The following CUL1 variants were observed in gnomAD, a reference collection of about 807,000 sequenced individuals.
CUL1 encodes the protein cullin 1.
A neutral mutation model predicts 118.0 loss-of-function variants in CUL1; 24 were observed. The observed-to-expected ratio is 0.20, with a 90% CI of 0.15 to 0.29. CUL1 has a LOEUF of 0.29. CUL1 is among the 10% of genes least tolerant of loss of function. The pLI, the probability that CUL1 is intolerant of heterozygous loss-of-function variation, is 1.00. For missense variants in CUL1, 361 were observed against 933.8 expected, an observed-to-expected ratio of 0.39 and a Z score of 7.99; for synonymous variants, 332 against 340.4, an observed-to-expected ratio of 0.98 and a Z score of 0.27.
chr7:148,721,974 C>T (rs10488072), intron 1 of CUL1, among the ~76,000 whole-genome samples: 13,898 of 152,108 alleles, frequency 0.091, 698 homozygotes, highest in South Asian at 0.18. Flanking sequence ...GTTTTACTGT[C>T]GGTTTCATAT....
At chr7:148,788,459 TTAAG>T (rs1194687410) in intron 13 of CUL1, 94 bp from the exon 14 acceptor site, 13 of 735,712 alleles carry the variant, frequency 1.8e-5, no homozygotes, top group Non-Finnish European at 3.0e-5. Context: ...TTCCATATAA[TTAAG>T]TATATATTGT....
chr7:148,759,719 A>T, intron 6 of CUL1, 81 bp downstream of exon 6: 2 of 635,680 alleles, frequency 3.1e-6, no homozygotes, highest in Middle Eastern at 3.2e-4. Flanking sequence ...TGTCATTTTT[A>T]AAATATTTTA....
At position 148,784,337 on chromosome 7, in the gene CUL1, C is replaced by T. The variant is rs201858406; in HGVS notation, c.1298+260C>T. 3.0e-4 allele frequency among the ~76,000 whole-genome samples: 45 copies of T among 152,272 alleles called. No homozygotes were observed. The East Asian group carries it at 4.8e-3, about 16-fold the overall frequency. ...AGCACTAACCAGGCCCCACCCTGTT[C>T]GCTTCTGAGATCAGACAAGATCGGG... On this transcript the variant is annotated intron_variant, in intron 11 of 21. Coordinates refer to ENST00000325222, the MANE Select transcript of CUL1 (RefSeq NM_003592.3).
At chr7:148,737,234 A>C (rs1798976057) in intron 2 of CUL1, among the ~76,000 whole-genome samples, 2 of 151,422 alleles carry the variant, frequency 1.3e-5, no homozygotes, top group African/African-American at 4.9e-5. Flanking sequence ...TAAATATGGC[A>C]TGTTCTTCAG....
At chr7:148,798,735 A>G (rs1801290784) in intron 20 of CUL1, 58 bp downstream of exon 20, 1 of 1,404,088 alleles carries the variant, frequency 7.1e-7, no homozygotes. Context: ...GATGGCTCGC[A>G]AGGACGGGCC....
At chr7:148,741,764 G>A (rs1295210525) in intron 2 of CUL1, among the ~76,000 whole-genome samples, 1 of 151,256 alleles carries the variant, frequency 6.6e-6, no homozygotes, top group South Asian at 2.1e-4. Context: ...AGTAGAGACA[G>A]GGTTTCATCA....
chr7:148,712,236 G>T (rs565054986), intron 1 of CUL1, among the ~76,000 whole-genome samples: 1 of 152,198 alleles, frequency 6.6e-6, no homozygotes, highest in Non-Finnish European at 1.5e-5. Flanking sequence ...TCATTCACTA[G>T]CAAGAGAGCT....
At position 148,755,606 on chromosome 7, in the gene CUL1, GTAAT is replaced by G. The variant is rs567074807; in HGVS notation, c.316-1366_316-1363del. 2.6e-5 allele frequency among the ~76,000 whole-genome samples: 4 copies of G among 152,204 alleles called. No individual in the cohort carries two copies. The South Asian group carries it at 8.3e-4, about 32-fold the overall frequency. On this transcript the variant is annotated intron_variant, in intron 3 of 21. Transcript: ENST00000325222. ...CACAACACATCATAAAGTGAATGTT[GTAAT>G]TAATTAATTATTCTTTAGTACTAAA...
chr7:148,797,719 TAA>T (rs1801254001), intron 17 of CUL1, 91 bp from the exon 18 acceptor site: 4 of 832,618 alleles, frequency 4.8e-6, no homozygotes, highest in Middle Eastern at 3.7e-4. Context: ...TTTTTTTTTT[TAA>T]TGGAAAATGG....
At chr7:148,779,413 A>G (rs906862401) in intron 9 of CUL1, among the ~76,000 whole-genome samples, 10 of 152,198 alleles carry the variant, frequency 6.6e-5, no homozygotes, top group African/African-American at 1.9e-4. Context: ...GCCTCGGCCT[A>G]TCTTGGAAAT....
chr7:148,754,293 G>T, intron 3 of CUL1, 143 bp downstream of exon 3: 1 of 579,348 alleles, frequency 1.7e-6, no homozygotes. Flanking sequence ...CTATTGCATA[G>T]TCTTTTACCT....
intron 7 of CUL1, among the ~76,000 whole-genome samples, chr7:148,764,278 A>G (rs1254658977): frequency 2.0e-5 from 3 of 152,224 alleles, no homozygotes; most frequent in Admixed American, 6.5e-5. Context: ...CAGTCTGCCA[A>G]GTACAGTGAT....
At chr7:148,777,248 T>C (rs931091637) in intron 9 of CUL1, among the ~76,000 whole-genome samples, 1 of 152,086 alleles carries the variant, frequency 6.6e-6, no homozygotes, top group African/African-American at 2.4e-5. Flanking sequence ...AATCCAAAGG[T>C]GACAATGAGA....
chr7:148,770,772 G>T (rs1270469065), intron 9 of CUL1, among the ~76,000 whole-genome samples: 1 of 152,194 alleles, frequency 6.6e-6, no homozygotes, highest in East Asian at 1.9e-4. Flanking sequence ...CTTATTGTAA[G>T]AAAGAAACAC....
intron 9 of CUL1, among the ~76,000 whole-genome samples, chr7:148,774,193 C>T (rs1235200759): frequency 1.3e-5 from 2 of 152,156 alleles, no homozygotes; most frequent in African/African-American, 4.8e-5. Context: ...TCGTTGTAGT[C>T]AGTACAGAGA....
rs182688344 is a variant in CUL1, at chr7:148,735,799, A to G, written c.140+5537A>G. On this transcript the variant is annotated intron_variant, in intron 2 of 21. Transcript: ENST00000325222. Reference sequence around the variant, plus strand: ...ATATATGTTTATCCATACTTTTAGCATAAGTCTGTAAAAGGACATACTGGT... The same window carrying G: ...ATATATGTTTATCCATACTTTTAGCGTAAGTCTGTAAAAGGACATACTGGT... 4.6e-5 allele frequency among the ~76,000 whole-genome samples: 7 copies of G among 152,310 alleles called. No individual in the cohort carries two copies. The East Asian group carries it at 7.7e-4, about 17-fold the overall frequency.
In CUL1 at chr7:148,710,712, G is replaced by A. The variant is rs1412233841; in HGVS notation, c.-162+11683G>A. Among the ~76,000 whole-genome samples the A allele has an allele frequency of 6.6e-5, 10 of 151,376 alleles. 1 individual carries two copies. Among genetic ancestry groups the A allele is most frequent in the Non-Finnish European group, 1.5e-4 (10 of 67,934 alleles). Reference sequence around the variant, plus strand: ...TCGCTGTTGTCTCCTAGGCTGGAGTGCAATGGCACGATCTCAGCTCACTGC... The same window carrying A: ...TCGCTGTTGTCTCCTAGGCTGGAGTACAATGGCACGATCTCAGCTCACTGC... On this transcript the variant is annotated intron_variant, in intron 1 of 21. Transcript: ENST00000325222.
At chr7:148,717,043 T>TTTTG (rs1798235834) in intron 1 of CUL1, among the ~76,000 whole-genome samples, 3 of 150,622 alleles carry the variant, frequency 2.0e-5, no homozygotes, top group South Asian at 2.1e-4. Flanking sequence ...TTGTTTTTCA[T>TTTTG]TTTTGTTTTG....
intron 1 of CUL1, among the ~76,000 whole-genome samples, chr7:148,710,681 G>A (rs1007865987): frequency 4.7e-5 from 7 of 149,692 alleles, no homozygotes; most frequent in East Asian, 3.9e-4. Context: ...TTTTTTGGTT[G>A]GGGTTTCGCT....
Sources: gnomAD v4.1 joint callset for allele counts (sites outside exome capture counted in the v4.1 genomes callset) on GRCh38, gnomAD v4.1.1 for gene constraint, MANE v1.5 for transcripts, NCBI Gene and HGNC (gene_info 2026-07-23, HGNC 2026-07-21) for gene names.